Variants in ZNF79 observed in about 807,000 individuals in gnomAD.
ZNF79 encodes zinc finger protein 79.
In ZNF79, 13 loss-of-function variants were observed where a neutral mutation model predicts 14.9. The ratio of observed to expected loss-of-function variants is 0.87; its 90% CI spans 0.57 to 1.38. The LOEUF (loss-of-function observed/expected upper bound fraction) is 1.38, where lower values mean the gene tolerates loss of function less well. Among genes scored for constraint, ZNF79 ranks in the 40% most tolerant of loss-of-function variants. The pLI, the probability that ZNF79 is intolerant of heterozygous loss-of-function variation, is 0.00. For missense variants in ZNF79, 631 were observed against 630.6 expected (o/e 1.00, Z -0.01); for synonymous variants, 223 against 235.1 (o/e 0.95, Z 0.47).
intron 3 of ZNF79, 142 bp downstream of exon 3, chr9:127,435,358 C>A: frequency 1.0e-6 from 1 of 1,000,776 alleles, no homozygotes; most frequent in African/African-American, 1.7e-5. Context: ...TGGGGAAGGT[C>A]TCTGCATGCT....
chr9:127,439,599 G>C (rs1036658940), intron 4 of ZNF79, among the ~76,000 whole-genome samples: 2 of 152,156 alleles, frequency 1.3e-5, no homozygotes, highest in African/African-American at 4.8e-5. Context: ...AGACCCAGGA[G>C]TTGAAAGTGC....
At chr9:127,439,573 A>T (rs573820947) in intron 4 of ZNF79, among the ~76,000 whole-genome samples, 1 of 151,898 alleles carries the variant, frequency 6.6e-6, no homozygotes, top group South Asian at 2.1e-4. Flanking sequence ...ATTCTACCCT[A>T]CCCCTCCCAA....
In ZNF79 at chr9:127,445,076, C is replaced by G. The variant is rs1834142182; in HGVS notation, c.1376C>G (p.Ser459Cys). 1 of 1,612,388 alleles carries G rather than the reference C, an allele frequency of 6.2e-7. No homozygotes were observed. The highest frequency in any genetic ancestry group is 1.3e-5 in the African/African-American group (1 of 74,294). ...ECGKAFNQSS[S>C]LSQHQRIHTG... ...GGTAAAGCGTTTAACCAGAGCTCAT[C>G]CCTTAGTCAGCATCAGAGAATCCAC... The change falls in exon 5 of 5, where the codon TCC becomes TGC. Residue 459 changes from serine to cysteine, a missense_variant. Transcript: ENST00000342483.
rs759478315 is a variant in ZNF79, at chr9:127,444,125, A to G, written c.425A>G (p.His142Arg). The stretch of plus-strand genomic sequence containing the variant: ...GAGATGCCCCCTGGGGATTCAGACC[A>G]CGGGACCAGTGACCTTGAGAAGAGC... ...CVEMPPGDSD[H>R]GTSDLEKSFN... Residue 142 changes from histidine to arginine, a missense_variant, in exon 5 of 5, where the codon CAC becomes CGC. His to Arg is a conservative substitution (Grantham distance 29). Transcript: ENST00000342483. The G allele has an allele frequency of 4.3e-6, 7 of 1,613,322 alleles. No individual in the cohort carries two copies. The highest frequency in any genetic ancestry group is 2.7e-5 in the African/African-American group (2 of 74,856).
chr9:127,424,474 T>G lies in ZNF79; in HGVS notation c.-314T>G. On this transcript the variant is annotated 5_prime_UTR_variant, in exon 1 of 5. It adds an upstream start codon to the 5' untranslated region. Transcript: ENST00000342483. The stretch of plus-strand genomic sequence containing the variant: ...TGAGCTCTCGCGGTTGCCGGTAGAT[T>G]GTTGCCAGTTGCCAGTTGCCAGTCG... 2.7e-6 allele frequency: 1 copy of G among 366,328 alleles called. No homozygotes were observed. The highest frequency in any genetic ancestry group is 5.1e-6 in the Non-Finnish European group (1 of 195,050). 22.7% of individuals were successfully genotyped at this position (366,328 alleles called of 1,614,324 possible). A position where few individuals can be genotyped will look rare whatever the true frequency, so the allele number is the denominator to read the frequency against.
At chr9:127,426,785 G>A (rs943497480) in intron 1 of ZNF79, among the ~76,000 whole-genome samples, 1 of 152,242 alleles carries the variant, frequency 6.6e-6, no homozygotes. Flanking sequence ...TTTTGTGTGT[G>A]TGTATGTTTG....
chr9:127,444,226 A>C lies in ZNF79; in HGVS notation c.526A>C (p.Thr176Pro), dbSNP rs1298898301. The change falls in exon 5 of 5, where the codon ACC becomes CCC. Residue 176 changes from threonine to proline, a missense_variant. Physicochemically the swap from Thr to Pro is conservative, Grantham distance 38. Coordinates refer to ENST00000342483, the MANE Select transcript of ZNF79 (RefSeq NM_007135.3). ...EARPRKCETHTESFKNSEILK... is the reference protein window; with the variant it reads ...EARPRKCETHPESFKNSEILK... ...GAGACCTCGCAAATGTGAGACACAC[A>C]CCGAGAGCTTCAAGAACTCGGAAAT... 6.2e-7 allele frequency: 1 copy of C among 1,614,168 alleles called. No individual in the cohort carries two copies. The highest frequency in any genetic ancestry group is 8.5e-7 in the Non-Finnish European group (1 of 1,180,022).
At chr9:127,441,510 G>A (rs777964273) in intron 4 of ZNF79, among the ~76,000 whole-genome samples, 1 of 152,180 alleles carries the variant, frequency 6.6e-6, no homozygotes, top group Non-Finnish European at 1.5e-5. Context: ...TGAAGACTGT[G>A]TATAGAAATT....
intron 4 of ZNF79, among the ~76,000 whole-genome samples, chr9:127,442,425 AGGTAT>A (rs1239902761): frequency 6.6e-6 from 1 of 151,810 alleles, no homozygotes; most frequent in African/African-American, 2.4e-5. Flanking sequence ...AGAAAAGAAA[AGGTAT>A]GGTAAAAATA....
rs775600530 is a variant in ZNF79, at chr9:127,444,127, G to C, written c.427G>C (p.Gly143Arg). ...VEMPPGDSDH[G>R]TSDLEKSFNL... is the part of the protein sequence containing the mutation. ...GATGCCCCCTGGGGATTCAGACCAC[G>C]GGACCAGTGACCTTGAGAAGAGCTT... Residue 143 changes from glycine to arginine, a missense_variant, in exon 5 of 5, where the codon GGG (glycine) becomes CGG (arginine). Gly to Arg is a moderately radical substitution (Grantham distance 125). Transcript: ENST00000342483. The C allele has an allele frequency of 4.3e-6, 7 of 1,613,070 alleles. No individual in the cohort carries two copies. In the African/African-American group the frequency reaches 9.4e-5, roughly 22 times the overall value.
At chr9:127,441,735 G>A (rs577342141) in intron 4 of ZNF79, among the ~76,000 whole-genome samples, 55 of 152,038 alleles carry the variant, frequency 3.6e-4, no homozygotes, top group African/African-American at 1.2e-3. Context: ...CACAAGGTCA[G>A]AAGATCGAGA....
chr9:127,430,796 A>T (rs1179650389), intron 2 of ZNF79, among the ~76,000 whole-genome samples: 1 of 152,232 alleles, frequency 6.6e-6, no homozygotes, highest in African/African-American at 2.4e-5. Flanking sequence ...TTACACAGTA[A>T]TGGGATTGCC....
In ZNF79 at chr9:127,424,607, G is replaced by C. The variant is rs904270654; in HGVS notation, c.-181G>C. 1.8e-5 allele frequency: 15 copies of C among 843,374 alleles called. No homozygotes were observed. The highest frequency in any genetic ancestry group is 2.6e-5 in the Non-Finnish European group (14 of 541,644). The allele number at this position is 843,374 out of a possible 1,614,324, so 52.2% of individuals were successfully genotyped here. On this transcript the variant is annotated 5_prime_UTR_variant, in exon 1 of 5. Coordinates refer to ENST00000342483, the MANE Select transcript of ZNF79 (RefSeq NM_007135.3). The stretch of plus-strand genomic sequence containing the variant: ...GTGGAACACCCGGCTGGGCAGGCCC[G>C]GACAGCTCCCGCGACCCAGCACCGC...
In ZNF79 at chr9:127,445,157, C is replaced by T. The variant is rs764781243; in HGVS notation, c.1457C>T (p.Ser486Phe). Residue 486 changes from serine to phenylalanine, a missense_variant, in exon 5 of 5, where the codon TCT becomes TTT. Coordinates refer to ENST00000342483, the MANE Select transcript of ZNF79 (RefSeq NM_007135.3). Reference sequence around the variant, plus strand: ...TGTGGGAAGGCCTTCCGGTGCAGCTCTGCCTTCGTTAGACATCAGAGACTC... The same window carrying T: ...TGTGGGAAGGCCTTCCGGTGCAGCTTTGCCTTCGTTAGACATCAGAGACTC... ...SECGKAFRCS[S>F]AFVRHQRLHA... is the part of the protein sequence containing the mutation. 15 of 1,614,110 alleles carry T rather than the reference C, an allele frequency of 9.3e-6. No homozygotes were observed. Among genetic ancestry groups the T allele is most frequent in the East Asian group, 2.2e-5 (1 of 44,906 alleles).
chr9:127,437,646 C>G (rs1833974084), intron 4 of ZNF79, among the ~76,000 whole-genome samples: 1 of 151,538 alleles, frequency 6.6e-6, no homozygotes, highest in African/African-American at 2.4e-5. Flanking sequence ...TGGGCTCCCT[C>G]TGCAGGCTCT....
intron 4 of ZNF79, among the ~76,000 whole-genome samples, chr9:127,443,304 A>G (rs1216985000): frequency 1.3e-5 from 2 of 151,412 alleles, no homozygotes; most frequent in East Asian, 3.9e-4. Flanking sequence ...AGTTCCAGCT[A>G]TTCAGGAGGC....
chr9:127,442,843 C>G (rs897858962), intron 4 of ZNF79, among the ~76,000 whole-genome samples: 3 of 151,712 alleles, frequency 2.0e-5, no homozygotes, highest in Admixed American at 1.3e-4. Context: ...GCCTGGGTGA[C>G]AGTGAGATCC....
At chr9:127,427,440 C>G (rs1040847163) in intron 1 of ZNF79, among the ~76,000 whole-genome samples, 8 of 149,494 alleles carry the variant, frequency 5.4e-5, no homozygotes, top group African/African-American at 2.0e-4. Flanking sequence ...AAAAAAAACA[C>G]AAAACATACA....
Position 127,444,075 on chromosome 9 carries a change from A to G in ZNF79, c.375A>G (p.Glu125=), listed in dbSNP as rs1295813791. ...SGSPPEQALS[E]ASFQDPCVEM... is the part of the protein sequence containing the mutation. ...CACCACCAGAGCAAGCCCTTTCTGA[A>G]GCTTCATTCCAAGACCCATGTGTAG... The change falls in exon 5 of 5, where the codon GAA becomes GAG. Residue 125 remains glutamate (E), a synonymous_variant. Coordinates refer to ENST00000342483, the MANE Select transcript of ZNF79 (RefSeq NM_007135.3). 3 of 1,608,892 alleles carry G rather than the reference A, an allele frequency of 1.9e-6. No individual in the cohort carries two copies. The African/African-American group carries it at 4.0e-5, about 22-fold the overall frequency.
Sources: gnomAD v4.1 joint callset for allele counts (sites outside exome capture counted in the v4.1 genomes callset) on GRCh38, gnomAD v4.1.1 for gene constraint, MANE v1.5 for transcripts, NCBI Gene and HGNC (gene_info 2026-07-23, HGNC 2026-07-21) for gene names.